SEPTIN14: variants seen among roughly 807,000 people sequenced by gnomAD.
The protein encoded by SEPTIN14 is septin-14.
Under a neutral mutation model 53.6 loss-of-function variants are expected in SEPTIN14, and 40 were observed. The ratio of observed to expected loss-of-function variants is 0.75; its 90% confidence interval spans 0.58 to 0.97. The LOEUF (loss-of-function observed/expected upper bound fraction) is 0.97, where lower values mean the gene tolerates loss of function less well. Among genes scored for constraint, SEPTIN14 ranks in the 50% least tolerant of loss-of-function variants. The pLI, the probability that SEPTIN14 is intolerant of heterozygous loss-of-function variation, is 0.00. For missense variants in SEPTIN14, 471 were observed against 508.2 expected (o/e 0.93, Z 0.70); for synonymous variants, 138 against 166.8 (o/e 0.83, Z 1.33).
At chr7:55,856,357 A>G (rs1305964982) in intron 2 of SEPTIN14, among the ~76,000 whole-genome samples, 1 of 151,746 alleles carries the variant, frequency 6.6e-6, no homozygotes, top group Non-Finnish European at 1.5e-5. Context: ...TTCATTTTTT[A>G]TAGCTGCATA....
chr7:55,861,379 G>A lies in SEPTIN14; in HGVS notation c.54+564C>T, dbSNP rs539917823. Among the ~76,000 whole-genome samples the A allele has an allele frequency of 1.6e-4, 25 of 152,120 alleles. No individual in the cohort carries two copies. In the South Asian group the frequency reaches 5.2e-3, roughly 32 times the overall value. On this transcript the variant is annotated intron_variant, in intron 2 of 9. Transcript: ENST00000388975. ...TAGCCAGGCATGAAGGCAGGTGCCTGTAATCCCAGCTACTTGGGAGGCTGA... is the reference window on the plus strand; with the variant it reads ...TAGCCAGGCATGAAGGCAGGTGCCTATAATCCCAGCTACTTGGGAGGCTGA...
chr7:55,839,114 G>A (rs1290978885), intron 5 of SEPTIN14, among the ~76,000 whole-genome samples: 4 of 152,090 alleles, frequency 2.6e-5, no homozygotes, highest in East Asian at 1.9e-4. Context: ...GAGGCCAGGC[G>A]TGGTGGCTCA....
intron 5 of SEPTIN14, among the ~76,000 whole-genome samples, chr7:55,834,996 T>C (rs1368876145): frequency 1.3e-5 from 2 of 152,122 alleles, no homozygotes; most frequent in African/African-American, 2.4e-5. Flanking sequence ...ACAAATTGCA[T>C]AACTAGGTAA....
chr7:55,803,968 CAA>C lies in SEPTIN14; in HGVS notation c.1119+1288_1119+1289del, dbSNP rs201874545. Among the ~76,000 whole-genome samples, 332 of 114,980 alleles carry C rather than the reference CAA, an allele frequency of 2.9e-3. 3 individuals carry two copies. Among genetic ancestry groups the C allele is most frequent in the African/African-American group, 7.6e-3 (232 of 30,350 alleles). The allele number at this position is 114,980 out of a possible 152,430, so 75.4% of individuals were successfully genotyped here. A position where few individuals can be genotyped will look rare whatever the true frequency, so the allele number is the denominator to read the frequency against. On this transcript the variant is annotated intron_variant, in intron 9 of 9. Coordinates refer to ENST00000388975, the MANE Select transcript of SEPTIN14 (RefSeq NM_207366.3). Reference sequence around the variant, plus strand: ...TGAAACCCCATCTCTACTAAAAATACAAAAAAAAAAAAAAAAATTTAGTTGGG... The same window carrying C: ...TGAAACCCCATCTCTACTAAAAATACAAAAAAAAAAAAAAATTTAGTTGGG...
At chr7:55,849,228 G>A (rs547739479) in intron 2 of SEPTIN14, among the ~76,000 whole-genome samples, 35 of 151,992 alleles carry the variant, frequency 2.3e-4, no homozygotes, top group Admixed American at 1.9e-3. Flanking sequence ...GGGAGGCTGA[G>A]GCAGGCGAAT....
At chr7:55,827,809 A>G (rs1296765639) in intron 6 of SEPTIN14, among the ~76,000 whole-genome samples, 1 of 152,226 alleles carries the variant, frequency 6.6e-6, no homozygotes, top group Non-Finnish European at 1.5e-5. Context: ...AGTGCCACTT[A>G]CTGGCATGGA....
chr7:55,852,341 T>C lies in SEPTIN14; in HGVS notation c.55-5704A>G, dbSNP rs150974557. On this transcript the variant is annotated intron_variant, in intron 2 of 9. Coordinates refer to ENST00000388975, the MANE Select transcript of SEPTIN14 (RefSeq NM_207366.3). ...CATGGTACTGGCATGAAAACAGACA[T>C]ATAGACCAATGGAACAGAATACAGA... is the stretch of plus-strand genomic sequence containing the variant. 7.0e-3 allele frequency among the ~76,000 whole-genome samples: 1,057 copies of C among 152,032 alleles called. 14 individuals carry two copies. The highest frequency in any genetic ancestry group is 0.024 in the African/African-American group (977 of 41,484).
At chr7:55,834,656 G>GTTTTTT in intron 5 of SEPTIN14, 70 bp from the exon 6 acceptor site, 1 of 1,320,250 alleles carries the variant, frequency 7.6e-7, no homozygotes, top group Non-Finnish European at 1.0e-6. Flanking sequence ...TTTGTTTTTT[G>GTTTTTT]TTTTGAGACG....
intron 7 of SEPTIN14, among the ~76,000 whole-genome samples, chr7:55,809,557 A>C (rs1584253354): frequency 6.6e-6 from 1 of 151,552 alleles, no homozygotes; most frequent in East Asian, 2.0e-4. Context: ...GGGTTTTGCC[A>C]TGTTGGTCAG....
intron 9 of SEPTIN14, among the ~76,000 whole-genome samples, chr7:55,803,968 CAAAAAAA>C (rs201874545): frequency 7.8e-4 from 90 of 115,008 alleles, no homozygotes; most frequent in South Asian, 2.0e-3. Context: ...ACTAAAAATA[CAAAAAAA>C]AAAAAAAAAA....
intron 8 of SEPTIN14, among the ~76,000 whole-genome samples, chr7:55,806,052 A>G (rs1224813029): frequency 6.6e-6 from 1 of 152,036 alleles, no homozygotes; most frequent in Non-Finnish European, 1.5e-5. Flanking sequence ...ACTGGAGTGC[A>G]GTGGCACGAT....
At chr7:55,839,864 G>C (rs1789277552) in intron 5 of SEPTIN14, among the ~76,000 whole-genome samples, 1 of 152,148 alleles carries the variant, frequency 6.6e-6, no homozygotes, top group Non-Finnish European at 1.5e-5. Context: ...GTGAGACTGG[G>C]TCAGGTGCGA....
At chr7:55,861,501 CAA>C (rs147508733) in intron 2 of SEPTIN14, among the ~76,000 whole-genome samples, 198 of 95,188 alleles carry the variant, frequency 2.1e-3, no homozygotes, top group African/African-American at 7.8e-3. Context: ...GACTCAGTCT[CAA>C]AAAAAAAAAA....
chr7:55,821,714 A>C (rs1242711800), intron 6 of SEPTIN14, among the ~76,000 whole-genome samples: 1 of 152,210 alleles, frequency 6.6e-6, no homozygotes, highest in Non-Finnish European at 1.5e-5. Context: ...ACTGTGGATA[A>C]TAATGCAATT....
In SEPTIN14 at chr7:55,842,970, A is replaced by G; in HGVS notation, c.530T>C (p.Leu177Pro). 1 of 1,533,530 alleles carries G rather than the reference A, an allele frequency of 6.5e-7. No individual in the cohort carries two copies. The highest frequency in any genetic ancestry group is 1.4e-5 in the African/African-American group (1 of 71,770). The allele number at this position is 1,533,530 out of a possible 1,614,324, so 95.0% of individuals were successfully genotyped here. A position where few individuals can be genotyped will look rare whatever the true frequency, so the allele number is the denominator to read the frequency against. The change falls in exon 5 of 10, where the codon CTA becomes CCA. Residue 177 changes from leucine to proline, a missense_variant. By Grantham distance (98) the Leu-to-Pro change is moderately conservative. Coordinates refer to ENST00000388975, the MANE Select transcript of SEPTIN14 (RefSeq NM_207366.3). ...PTGHSLKSLDLLTMKNLDSKV... is the reference protein window; with the variant it reads ...PTGHSLKSLDPLTMKNLDSKV... ...ACTGTCAAGGTTCTTCATTGTTAAT[A>G]GATCAAGAGACTTCAGGGAATGTCC...
In SEPTIN14 at chr7:55,805,250, G is replaced by A. The variant is rs181912785; in HGVS notation, c.1119+8C>T. ...TAATACAAATTATATCAAACTGTCAGTACTAACCTCTTTTTCAGCTTCTTT... is the reference window on the plus strand; with the variant it reads ...TAATACAAATTATATCAAACTGTCAATACTAACCTCTTTTTCAGCTTCTTT... On this transcript the variant is annotated splice_region_variant and intron_variant, in intron 9 of 9. Coordinates refer to ENST00000388975, the MANE Select transcript of SEPTIN14 (RefSeq NM_207366.3). 229 of 1,609,962 alleles carry A rather than the reference G, an allele frequency of 1.4e-4. No individual in the cohort carries two copies. The African/African-American group carries it at 2.7e-3, about 19-fold the overall frequency.
chr7:55,810,087 C>T (rs1788675433), intron 7 of SEPTIN14, among the ~76,000 whole-genome samples: 1 of 152,140 alleles, frequency 6.6e-6, no homozygotes, highest in African/African-American at 2.4e-5. Context: ...CTGCCTCAGC[C>T]TCCCAAAGTG....
intron 6 of SEPTIN14, among the ~76,000 whole-genome samples, chr7:55,831,927 C>A (rs181758357): frequency 1.3e-5 from 2 of 152,056 alleles, no homozygotes; most frequent in Non-Finnish European, 2.9e-5. Context: ...AAAGGCAGGG[C>A]GCAGTGGCTC....
intron 2 of SEPTIN14, among the ~76,000 whole-genome samples, chr7:55,847,265 T>G (rs1206993915): frequency 6.6e-6 from 1 of 152,130 alleles, no homozygotes; most frequent in African/African-American, 2.4e-5. Flanking sequence ...GAAACTCTAA[T>G]GTATTACTGT....
Sources: gnomAD v4.1 joint callset for allele counts (sites outside exome capture counted in the v4.1 genomes callset) on GRCh38, gnomAD v4.1.1 for gene constraint, MANE v1.5 for transcripts, NCBI Gene and HGNC (gene_info 2026-07-23, HGNC 2026-07-21) for gene names.